Variants in PTPRD observed in about 807,000 individuals in gnomAD.
PTPRD encodes protein tyrosine phosphatase receptor type D, also known as receptor-type tyrosine-protein phosphatase delta.
Under a neutral mutation model 214.5 loss-of-function variants are expected in PTPRD, and 34 were observed. That is an observed-to-expected ratio of 0.16 (90% CI 0.12 to 0.21). PTPRD has a LOEUF of 0.21. PTPRD is among the 10% of genes least tolerant of loss of function. The pLI, the probability that PTPRD is intolerant of heterozygous loss-of-function variation, is 1.00. For missense variants in PTPRD, 2,545 were observed against 2,398.7 expected (o/e 1.06, Z -1.27); for synonymous variants, 1,128 against 845.7 (o/e 1.33, Z -5.79).
At chr9:9,038,326 C>T (rs769703452) in intron 10 of PTPRD, among the ~76,000 whole-genome samples, 2 of 152,086 alleles carry the variant, frequency 1.3e-5, no homozygotes, top group East Asian at 1.9e-4. Context: ...GCTGGTCCAT[C>T]GCCTTTCCTT....
chr9:10,328,453 T>C (rs1384302545), intron 3 of PTPRD, among the ~76,000 whole-genome samples: 1 of 151,694 alleles, frequency 6.6e-6, no homozygotes, highest in Admixed American at 6.6e-5. Flanking sequence ...ATAGAAATCA[T>C]TTTTTAAAAT....
intron 7 of PTPRD, among the ~76,000 whole-genome samples, chr9:9,664,684 C>T (rs2096682818): frequency 6.6e-6 from 1 of 151,650 alleles, no homozygotes; most frequent in Non-Finnish European, 1.5e-5. Context: ...ATGGACAGAT[C>T]ACTGGATTAC....
chr9:10,292,735 C>T (rs2154401280), intron 3 of PTPRD, among the ~76,000 whole-genome samples: 1 of 151,792 alleles, frequency 6.6e-6, no homozygotes, highest in South Asian at 2.1e-4. Flanking sequence ...ATTTAACTTT[C>T]CGGCACTCTC....
chr9:10,022,781 G>C (rs1201217962), intron 4 of PTPRD, among the ~76,000 whole-genome samples: 1 of 152,160 alleles, frequency 6.6e-6, no homozygotes, highest in Non-Finnish European at 1.5e-5. Context: ...GAGCCAAAAT[G>C]CTGAATTCCC....
intron 3 of PTPRD, among the ~76,000 whole-genome samples, chr9:10,292,294 C>T (rs2095549796): frequency 6.6e-6 from 1 of 152,024 alleles, no homozygotes; most frequent in Admixed American, 6.6e-5. Context: ...AATCAGACTA[C>T]TTGTCTCTCC....
intron 8 of PTPRD, among the ~76,000 whole-genome samples, chr9:9,431,910 G>C (rs1196503756): frequency 1.8e-5 from 2 of 109,152 alleles, no homozygotes; most frequent in Admixed American, 2.1e-4. Flanking sequence ...TTGTGGGGTG[G>C]GGGGAGGGGG....
Position 9,976,689 on chromosome 9 carries a change from C to CAAAAAAAAAAAAAAAAAAAAAA in PTPRD, c.-471-38101_-471-38080dup, listed in dbSNP as rs869096131. Among the ~76,000 whole-genome samples the CAAAAAAAAAAAAAAAAAAAAAA allele has an allele frequency of 5.4e-3, 339 of 63,238 alleles. 18 individuals are homozygous for CAAAAAAAAAAAAAAAAAAAAAA. Among genetic ancestry groups the CAAAAAAAAAAAAAAAAAAAAAA allele is most frequent in the East Asian group, 0.045 (55 of 1,218 alleles). The allele number at this position is 63,238 out of a possible 152,430, so 41.5% of individuals were successfully genotyped here. The stretch of plus-strand genomic sequence containing the variant: ...GGTGTGAGCCACTACACCCTGCCAC[C>CAAAAAAAAAAAAAAAAAAAAAA]AAAAAAAAAAAAAAAAAAAAAAATT... On this transcript the variant is annotated intron_variant, in intron 4 of 45. Coordinates refer to ENST00000381196, the MANE Select transcript of PTPRD (RefSeq NM_002839.4).
chr9:9,493,984 G>A (rs564728033), intron 8 of PTPRD, among the ~76,000 whole-genome samples: 3 of 151,984 alleles, frequency 2.0e-5, no homozygotes, highest in Non-Finnish European at 2.9e-5. Context: ...AATATCAACC[G>A]TAACAGAGTT....
intron 3 of PTPRD, among the ~76,000 whole-genome samples, chr9:10,036,627 C>A (rs968317567): frequency 4.6e-5 from 7 of 151,744 alleles, no homozygotes; most frequent in South Asian, 2.1e-4. Context: ...GTTCTGTCAC[C>A]AGGCTGGAGT....
rs544867090 is a variant in PTPRD, at chr9:8,524,207, T to C, written c.680-683A>G. Among the ~76,000 whole-genome samples the C allele has an allele frequency of 2.0e-5, 3 of 152,320 alleles. No homozygotes were observed. The East Asian group carries it at 5.8e-4, about 29-fold the overall frequency. ...TCATTTCTATTACTTCATGAGAACA[T>C]ATGAATGTATCCTCATAATTCATTC... On this transcript the variant is annotated intron_variant, in intron 18 of 45. Coordinates refer to ENST00000381196, the MANE Select transcript of PTPRD (RefSeq NM_002839.4).
At chr9:9,880,468 T>G (rs935322316) in intron 5 of PTPRD, among the ~76,000 whole-genome samples, 1 of 152,224 alleles carries the variant, frequency 6.6e-6, no homozygotes, top group African/African-American at 2.4e-5. Flanking sequence ...CCATTATCAC[T>G]GTGTATAATT....
chr9:10,556,276 G>A (rs567699718), intron 2 of PTPRD, among the ~76,000 whole-genome samples: 1 of 151,878 alleles, frequency 6.6e-6, no homozygotes, highest in African/African-American at 2.4e-5. Flanking sequence ...AGGTAGAAAT[G>A]TAAAATAATT....
At chr9:9,063,736 T>C (rs1309368832) in intron 10 of PTPRD, among the ~76,000 whole-genome samples, 1 of 152,160 alleles carries the variant, frequency 6.6e-6, no homozygotes, top group African/African-American at 2.4e-5. Context: ...AGATGTTTAA[T>C]GAACACTAGT....
chr9:8,901,435 C>G (rs2154251756), intron 11 of PTPRD, among the ~76,000 whole-genome samples: 1 of 152,300 alleles, frequency 6.6e-6, no homozygotes, highest in East Asian at 1.9e-4. Flanking sequence ...TTGTAGAGCA[C>G]TGTTAATTTT....
At chr9:9,942,247 A>T (rs904053792) in intron 4 of PTPRD, among the ~76,000 whole-genome samples, 1 of 152,178 alleles carries the variant, frequency 6.6e-6, no homozygotes, top group Non-Finnish European at 1.5e-5. Context: ...CTTTAAAAAA[A>T]TTCAATGATT....
At chr9:8,349,302 A>G (rs1414230885) in intron 39 of PTPRD, among the ~76,000 whole-genome samples, 1 of 152,166 alleles carries the variant, frequency 6.6e-6, no homozygotes, top group Admixed American at 6.6e-5. Context: ...CAGAGCTTTT[A>G]AAAGTATCCC....
At chr9:8,468,050 T>A (rs989233768) in intron 31 of PTPRD, among the ~76,000 whole-genome samples, 2 of 152,012 alleles carry the variant, frequency 1.3e-5, no homozygotes, top group African/African-American at 4.8e-5. Flanking sequence ...TCGCAATTCA[T>A]CCATATCATT....
chr9:8,612,728 G>A (rs945586787), intron 14 of PTPRD, among the ~76,000 whole-genome samples: 3 of 152,184 alleles, frequency 2.0e-5, no homozygotes, highest in African/African-American at 7.2e-5. Context: ...ACTTCTGGGG[G>A]ACCCTGAGGC....
chr9:9,774,865 T>G (rs1044012780), intron 5 of PTPRD, among the ~76,000 whole-genome samples: 10 of 152,232 alleles, frequency 6.6e-5, no homozygotes, highest in Non-Finnish European at 8.8e-5. Flanking sequence ...TGCTGTTTTA[T>G]GCATGATAGT....
Sources: allele counts gnomAD v4.1 joint callset (sites outside exome capture counted in the v4.1 genomes callset), GRCh38; gene constraint gnomAD v4.1.1; transcripts MANE v1.5; gene names NCBI Gene and HGNC (gene_info 2026-07-23, HGNC 2026-07-21).